NR3C2: variants seen among roughly 807,000 people sequenced by gnomAD.
NR3C2 encodes the protein nuclear receptor subfamily 3 group C member 2.
Under a neutral mutation model 86.4 loss-of-function variants are expected in NR3C2, and 15 were observed. That is an observed-to-expected ratio of 0.17 (90% CI 0.12 to 0.27). NR3C2 has a LOEUF of 0.27. NR3C2 is among the 10% of genes least tolerant of loss of function. NR3C2 has a pLI of 1.00. For missense variants in NR3C2, 960 were observed against 1,195.6 expected, an observed-to-expected ratio of 0.80 and a Z score of 2.91; for synonymous variants, 458 against 450.5, an observed-to-expected ratio of 1.02 and a Z score of -0.21.
At chr4:148,186,095 C>G (rs963328954) in intron 4 of NR3C2, among the ~76,000 whole-genome samples, 2 of 152,162 alleles carry the variant, frequency 1.3e-5, no homozygotes, top group Non-Finnish European at 2.9e-5. Context: ...TGCAGGAGAT[C>G]ATCAATGAGT....
chr4:148,149,825 T>C (rs1034480293), intron 6 of NR3C2, among the ~76,000 whole-genome samples: 1 of 152,102 alleles, frequency 6.6e-6, no homozygotes, highest in African/African-American at 2.4e-5. Flanking sequence ...CATTAGCCAT[T>C]AGGGAAATGA....
rs188708768 is a variant in NR3C2, at chr4:148,411,227, A to G, written c.1757+23877T>C. On this transcript the variant is annotated intron_variant, in intron 2 of 8. Coordinates refer to ENST00000358102, the MANE Select transcript of NR3C2 (RefSeq NM_000901.5). ...TTTGGGGCCCAGCAATTGGTAGCAA[A>G]TCATCCTGGCTATAACCACATTTTG... is the stretch of plus-strand genomic sequence containing the variant. 1.5e-3 allele frequency among the ~76,000 whole-genome samples: 232 copies of G among 152,182 alleles called. 1 individual carries two copies. The highest frequency in any genetic ancestry group is 6.8e-3 in the Middle Eastern group (2 of 294).
At chr4:148,179,253 G>C (rs1328811523) in intron 4 of NR3C2, among the ~76,000 whole-genome samples, 4 of 151,646 alleles carry the variant, frequency 2.6e-5, no homozygotes, top group Non-Finnish European at 5.9e-5. Context: ...CTTGGAAAGA[G>C]AAAGGACAGT....
chr4:148,406,792 A>G (rs1748449144), intron 2 of NR3C2, among the ~76,000 whole-genome samples: 1 of 152,230 alleles, frequency 6.6e-6, no homozygotes, highest in South Asian at 2.1e-4. Context: ...GTCCAAGATA[A>G]TTATTAAGAA....
intron 8 of NR3C2, among the ~76,000 whole-genome samples, chr4:148,102,486 T>G (rs568288905): frequency 1.3e-5 from 2 of 152,114 alleles, no homozygotes; most frequent in Non-Finnish European, 2.9e-5. Context: ...TCTGGGCAGG[T>G]GCTACCTTGC....
intron 2 of NR3C2, among the ~76,000 whole-genome samples, chr4:148,376,813 T>A (rs1041653862): frequency 6.6e-6 from 1 of 152,150 alleles, no homozygotes; most frequent in Admixed American, 6.5e-5. Flanking sequence ...AGAGAGTCAA[T>A]CAGTACTTTA....
At chr4:148,320,671 T>C (rs1310130632) in intron 2 of NR3C2, among the ~76,000 whole-genome samples, 1 of 151,992 alleles carries the variant, frequency 6.6e-6, no homozygotes, top group East Asian at 1.9e-4. Flanking sequence ...CATAGAGGTG[T>C]TTGTAGTATT....
chr4:148,440,644 A>T (rs1750293705), intron 1 of NR3C2, among the ~76,000 whole-genome samples: 1 of 152,258 alleles, frequency 6.6e-6, no homozygotes, highest in Admixed American at 6.5e-5. Context: ...AAAAAAATTC[A>T]CTAAAGGAAA....
intron 3 of NR3C2, among the ~76,000 whole-genome samples, chr4:148,242,314 C>G (rs1177386330): frequency 6.6e-6 from 1 of 152,126 alleles, no homozygotes; most frequent in African/African-American, 2.4e-5. Flanking sequence ...AGGAAGGGTC[C>G]TCAAACTACT....
chr4:148,279,424 C>T lies in NR3C2; in HGVS notation c.1758-19307G>A, dbSNP rs536812489. 2.2e-4 allele frequency among the ~76,000 whole-genome samples: 33 copies of T among 152,128 alleles called. No individual in the cohort carries two copies. In the South Asian group the frequency reaches 2.9e-3, roughly 13 times the overall value. On this transcript the variant is annotated intron_variant, in intron 2 of 8. Coordinates refer to ENST00000358102, the MANE Select transcript of NR3C2 (RefSeq NM_000901.5). ...CCTTTTCTTCACATTATTGGATGAG[C>T]GATAACTATCGAGAATATGCATTTT... is the stretch of plus-strand genomic sequence containing the variant.
chr4:148,103,413 C>T (rs867570962), intron 8 of NR3C2, among the ~76,000 whole-genome samples: 30 of 152,178 alleles, frequency 2.0e-4, no homozygotes, highest in African/African-American at 6.8e-4. Flanking sequence ...CGTGTGCCTC[C>T]CCTGCCAGTA....
At chr4:148,287,295 G>A (rs766793438) in intron 2 of NR3C2, among the ~76,000 whole-genome samples, 2 of 152,190 alleles carry the variant, frequency 1.3e-5, no homozygotes, top group African/African-American at 4.8e-5. Context: ...CCTATCTGAT[G>A]CTCTGCCAGA....
chr4:148,420,199 G>A lies in NR3C2; in HGVS notation c.1757+14905C>T, dbSNP rs891856699. ...AATGAAAATAAAAGCCCAGAGTGAC[G>A]CTGGCCAGAAAATATAACTGAATAA... is the stretch of plus-strand genomic sequence containing the variant. On this transcript the variant is annotated intron_variant, in intron 2 of 8. Coordinates refer to ENST00000358102, the MANE Select transcript of NR3C2 (RefSeq NM_000901.5). Among the ~76,000 whole-genome samples, 4 of 152,146 alleles carry A rather than the reference G, an allele frequency of 2.6e-5. No homozygotes were observed. In the South Asian group the frequency reaches 6.2e-4, roughly 24 times the overall value.
intron 8 of NR3C2, among the ~76,000 whole-genome samples, chr4:148,112,119 G>A (rs1212641989): frequency 1.3e-5 from 2 of 151,838 alleles, no homozygotes; most frequent in East Asian, 3.9e-4. Context: ...CTGTGCTGGT[G>A]GGGGAAAAAA....
At chr4:148,321,111 A>G (rs1258751282) in intron 2 of NR3C2, among the ~76,000 whole-genome samples, 3 of 149,616 alleles carry the variant, frequency 2.0e-5, no homozygotes, top group African/African-American at 7.3e-5. Context: ...GAACATCTTC[A>G]TTTCTGCCTT....
chr4:148,408,395 G>C (rs1246729775), intron 2 of NR3C2, among the ~76,000 whole-genome samples: 2 of 152,152 alleles, frequency 1.3e-5, no homozygotes, highest in African/African-American at 2.4e-5. Flanking sequence ...GGTGACTATA[G>C]AGGTAGGTTC....
chr4:148,405,745 G>A (rs1195607920), intron 2 of NR3C2, among the ~76,000 whole-genome samples: 2 of 152,242 alleles, frequency 1.3e-5, no homozygotes, highest in African/African-American at 4.8e-5. Context: ...GCAAAGGGCA[G>A]GTGAACTGCT....
At chr4:148,165,036 T>C (rs1325015407) in intron 4 of NR3C2, among the ~76,000 whole-genome samples, 1 of 152,100 alleles carries the variant, frequency 6.6e-6, no homozygotes, top group Non-Finnish European at 1.5e-5. Flanking sequence ...TACACAAAAA[T>C]AAGAGCTTAC....
chr4:148,386,447 C>A (rs955536088), intron 2 of NR3C2, among the ~76,000 whole-genome samples: 2 of 152,168 alleles, frequency 1.3e-5, no homozygotes, highest in Non-Finnish European at 2.9e-5. Context: ...CTATGATTAA[C>A]CAACTTCACG....
Sources: gnomAD v4.1 joint callset for allele counts (sites outside exome capture counted in the v4.1 genomes callset) on GRCh38, gnomAD v4.1.1 for gene constraint, MANE v1.5 for transcripts, NCBI Gene and HGNC (gene_info 2026-07-23, HGNC 2026-07-21) for gene names.